The following ANK2 variants were observed in gnomAD, a reference collection of about 807,000 sequenced individuals.
ANK2 encodes ankyrin-2.
Under a neutral mutation model 360.5 loss-of-function variants are expected in ANK2, and 83 were observed. The observed-to-expected ratio is 0.23, with a 90% CI of 0.19 to 0.28. The LOEUF (loss-of-function observed/expected upper bound fraction) is 0.28. Ranked by LOEUF, ANK2 falls within the 10% of genes least tolerant of loss-of-function variation. ANK2 has a pLI of 1.00. For missense variants in ANK2, 4,201 were observed against 4,795.7 expected (o/e 0.88, Z 3.66); for synonymous variants, 1,740 against 1,759.5 (o/e 0.99, Z 0.28).
At chr4:113,171,801 C>T (rs977695431) in intron 1 of ANK2, among the ~76,000 whole-genome samples, 1 of 152,110 alleles carries the variant, frequency 6.6e-6, no homozygotes, top group Admixed American at 6.6e-5. Flanking sequence ...AAAAGCAATC[C>T]TCAATGTCAT....
At chr4:113,028,870 A>G (rs1386878739) in intron 2 of ANK2, among the ~76,000 whole-genome samples, 1 of 152,166 alleles carries the variant, frequency 6.6e-6, no homozygotes, top group East Asian at 1.9e-4. Flanking sequence ...ATCTACTTCC[A>G]TTACATATTG....
intron 2 of ANK2, among the ~76,000 whole-genome samples, chr4:113,188,409 T>C (rs1459862561): frequency 6.6e-6 from 1 of 152,158 alleles, no homozygotes; most frequent in Non-Finnish European, 1.5e-5. Flanking sequence ...TATTATTAGG[T>C]TCTATTTACA....
chr4:113,245,868 G>A (rs983779467), intron 9 of ANK2, among the ~76,000 whole-genome samples: 1 of 151,696 alleles, frequency 6.6e-6, no homozygotes, highest in South Asian at 2.1e-4. Context: ...ACAATAGTGC[G>A]ATCTCGGCTC....
rs754680934 is a variant in ANK2 at position 112,890,556 on chromosome 4, G to GTTTTTTTTTTT, written c.-39-13881_-39-13871dup. On this transcript the variant is annotated intron_variant, in intron 1 of 30. Coordinates refer to the ANK2 transcript ENST00000503271. The stretch of plus-strand genomic sequence containing the variant: ...GGAATTTATGATATACATTTCTGTG[G>GTTTTTTTTTTT]TTTTTTTTTTTTTTTTTTTTTTTTT... 9.3e-4 allele frequency among the ~76,000 whole-genome samples: 63 copies of GTTTTTTTTTTT among 67,470 alleles called. 5 individuals are homozygous for GTTTTTTTTTTT. The highest frequency in any genetic ancestry group is 1.2e-3 in the Non-Finnish European group (47 of 39,608). The allele number at this position is 67,470 out of a possible 152,430, so 44.3% of individuals were successfully genotyped here.
At chr4:113,122,126 T>TATAAGAATGAGTTGAAAGTTGTGTG (rs2095404704) in intron 1 of ANK2, among the ~76,000 whole-genome samples, 3 of 152,124 alleles carry the variant, frequency 2.0e-5, no homozygotes, top group Non-Finnish European at 4.4e-5. Context: ...GAAAGTGTGT[T>TATAAGAATGAGTTGAAAGTTGTGTG]ATAAGAATGA....
intron 1 of ANK2, among the ~76,000 whole-genome samples, chr4:113,097,824 T>C (rs1279671803): frequency 7.0e-6 from 1 of 141,926 alleles, no homozygotes; most frequent in Non-Finnish European, 1.5e-5. Context: ...TAGATAAATT[T>C]TCCTCTTGTA....
At chr4:113,299,973 T>C (rs957655526) in intron 22 of ANK2, among the ~76,000 whole-genome samples, 1 of 152,094 alleles carries the variant, frequency 6.6e-6, no homozygotes, top group African/African-American at 2.4e-5. Context: ...TTTCTAATAA[T>C]TGTAATATGT....
chr4:113,016,349 T>A (rs958251360), intron 2 of ANK2, among the ~76,000 whole-genome samples: 1 of 152,168 alleles, frequency 6.6e-6, no homozygotes, highest in Non-Finnish European at 1.5e-5. Flanking sequence ...CAAACTCTTA[T>A]AGGTTCTTCA....
chr4:112,827,554 C>T (rs2058666237), intron 1 of ANK2: 1 of 1,111,856 alleles, frequency 9.0e-7, no homozygotes, highest in Non-Finnish European at 1.4e-6. Flanking sequence ...TTGTATGGAA[C>T]AGGAAGAGGA....
chr4:112,819,599 A>G (rs2056402045), intron 1 of ANK2, among the ~76,000 whole-genome samples: 1 of 152,164 alleles, frequency 6.6e-6, no homozygotes, highest in East Asian at 1.9e-4. Flanking sequence ...TGCCCCACCC[A>G]GTGTTGTGAA....
At chr4:113,286,715 G>A (rs1481790815) in intron 18 of ANK2, among the ~76,000 whole-genome samples, 1 of 152,042 alleles carries the variant, frequency 6.6e-6, no homozygotes, top group Non-Finnish European at 1.5e-5. Context: ...AAATATACTA[G>A]GCATTTGAAC....
At chr4:113,376,802 G>GTT (rs36011726) in intron 45 of ANK2, among the ~76,000 whole-genome samples, 15,789 of 114,052 alleles carry the variant, frequency 0.14, 1,620 homozygotes, top group Middle Eastern at 0.21. Context: ...ACTTTTTAAG[G>GTT]TTTTTTTTTT....
At chr4:113,093,103 T>G (rs12643848) in intron 1 of ANK2, among the ~76,000 whole-genome samples, 100,900 of 151,656 alleles carry the variant, frequency 0.67, 33,664 homozygotes, top group South Asian at 0.72. Flanking sequence ...ATGCTTATAG[T>G]GCAGTTATAT....
At chr4:112,754,127 A>ATATATATATG in the ANK2 span, among the ~76,000 whole-genome samples, 1 of 143,208 alleles carries the variant, frequency 7.0e-6, no homozygotes, top group East Asian at 2.0e-4. Flanking sequence ...ATATATATAT[A>ATATATATATG]TATATATATA....
At chr4:113,339,176 C>A in intron 31 of ANK2, 50 bp from the exon 32 acceptor site, 1 of 1,440,794 alleles carries the variant, frequency 6.9e-7, no homozygotes, top group Non-Finnish European at 9.7e-7. Context: ...ATTTTAGAAT[C>A]TAGAGTCTGG....
At chr4:113,299,423 G>A (rs972552950) in intron 22 of ANK2, among the ~76,000 whole-genome samples, 1 of 152,162 alleles carries the variant, frequency 6.6e-6, no homozygotes, top group Non-Finnish European at 1.5e-5. Flanking sequence ...GTTGAATAAA[G>A]GTCAGCCGCG....
the ANK2 span, among the ~76,000 whole-genome samples, chr4:112,760,294 T>C: frequency 3.3e-5 from 5 of 151,950 alleles, no homozygotes; most frequent in African/African-American, 9.6e-5. Flanking sequence ...TCCCGCCATT[T>C]TCCTGCCTCA....
At chr4:113,092,832 C>G (rs667448) in intron 1 of ANK2, among the ~76,000 whole-genome samples, 1 of 152,046 alleles carries the variant, frequency 6.6e-6, no homozygotes, top group African/African-American at 2.4e-5. Context: ...TTCTCTGGTG[C>G]GCTATATAAT....
chr4:112,942,287 G>A (rs893139192), intron 2 of ANK2, among the ~76,000 whole-genome samples: 6 of 152,012 alleles, frequency 3.9e-5, no homozygotes, highest in Non-Finnish European at 7.4e-5. Flanking sequence ...ACTCAGTGGC[G>A]CTGTGTTGTC....
Sources: allele counts gnomAD v4.1 joint callset (sites outside exome capture counted in the v4.1 genomes callset), GRCh38; gene constraint gnomAD v4.1.1; transcripts MANE v1.5; gene names NCBI Gene and HGNC (gene_info 2026-07-23, HGNC 2026-07-21).